Variants in XYLT1 observed in about 807,000 individuals in gnomAD.
XYLT1 encodes xylosyltransferase 1.
A neutral mutation model predicts 91.3 loss-of-function variants in XYLT1; 36 were observed. The ratio of observed to expected loss-of-function variants is 0.39; its 90% CI spans 0.30 to 0.52. XYLT1 has a LOEUF of 0.52. XYLT1 is among the 20% of genes least tolerant of loss of function. The pLI, the probability that XYLT1 is intolerant of heterozygous loss-of-function variation, is 0.68. For synonymous variants in XYLT1, 588 were observed against 532.0 expected, an observed-to-expected ratio of 1.11 and a Z score of -1.45; for missense variants, 1,242 against 1,284.5, an observed-to-expected ratio of 0.97 and a Z score of 0.51.
chr16:17,260,796 A>C (rs1402944840), intron 2 of XYLT1, among the ~76,000 whole-genome samples: 1 of 152,208 alleles, frequency 6.6e-6, no homozygotes, highest in Non-Finnish European at 1.5e-5. Context: ...AAAAGCTTAA[A>C]ATATTTCTAT....
chr16:17,401,180 T>C (rs762727619), intron 1 of XYLT1, among the ~76,000 whole-genome samples: 1 of 152,118 alleles, frequency 6.6e-6, no homozygotes, highest in Non-Finnish European at 1.5e-5. Flanking sequence ...ATAGGGACAC[T>C]GGGCCCTTGG....
Position 17,187,393 on chromosome 16 carries a change from C to CAAA in XYLT1, c.1289+10816_1289+10818dup, listed in dbSNP as rs71137979. Among the ~76,000 whole-genome samples, 548 of 55,268 alleles carry CAAA rather than the reference C, an allele frequency of 9.9e-3. 12 individuals are homozygous for CAAA. The highest frequency in any genetic ancestry group is 0.029 in the African/African-American group (391 of 13,306). The allele number at this position is 55,268 out of a possible 152,430, so 36.3% of individuals were successfully genotyped here. On this transcript the variant is annotated intron_variant, in intron 5 of 11. Coordinates refer to ENST00000261381, the MANE Select transcript of XYLT1 (RefSeq NM_022166.4). Reference sequence around the variant, plus strand: ...TGGGTGACAGAGCAAGACTCAGTTTCAAAAAAAAAAAAAAAAAAAAAAAAT... The same window carrying CAAA: ...TGGGTGACAGAGCAAGACTCAGTTTCAAAAAAAAAAAAAAAAAAAAAAAAAAAT...
intron 2 of XYLT1, among the ~76,000 whole-genome samples, chr16:17,274,479 G>A (rs2033942589): frequency 6.6e-6 from 1 of 152,204 alleles, no homozygotes; most frequent in Non-Finnish European, 1.5e-5. Context: ...AAGGATATAG[G>A]AAGGGGAACT....
intron 3 of XYLT1, among the ~76,000 whole-genome samples, chr16:17,215,679 T>C (rs908719211): frequency 6.6e-6 from 1 of 151,764 alleles, no homozygotes. Context: ...AATTGACAGG[T>C]TGAGTGAGGA....
intron 1 of XYLT1, among the ~76,000 whole-genome samples, chr16:17,442,547 C>CAACTCTCTG (rs1238241317): frequency 6.6e-6 from 1 of 152,106 alleles, no homozygotes; most frequent in African/African-American, 2.4e-5. Flanking sequence ...TGAGGAGCCT[C>CAACTCTCTG]AACTCTCTGC....
At chr16:17,295,338 T>G (rs1420925469) in intron 2 of XYLT1, among the ~76,000 whole-genome samples, 1 of 47,174 alleles carries the variant, frequency 2.1e-5, no homozygotes, top group Non-Finnish European at 3.3e-5. Context: ...CAGGTTTTTG[T>G]TTTGTTTTGT....
intron 2 of XYLT1, among the ~76,000 whole-genome samples, chr16:17,261,117 C>G (rs1424351163): frequency 6.6e-6 from 1 of 151,958 alleles, no homozygotes. Context: ...TGGTGCACAC[C>G]TGTAGTCTCA....
intron 1 of XYLT1, among the ~76,000 whole-genome samples, chr16:17,362,568 T>C (rs1172548758): frequency 6.6e-6 from 1 of 152,248 alleles, no homozygotes; most frequent in Non-Finnish European, 1.5e-5. Flanking sequence ...AAAGTCTTGC[T>C]TGTAAGACCA....
At chr16:17,230,511 TGTCA>T (rs1161256681) in intron 3 of XYLT1, among the ~76,000 whole-genome samples, 1 of 152,230 alleles carries the variant, frequency 6.6e-6, no homozygotes, top group Non-Finnish European at 1.5e-5. Flanking sequence ...GCCTGCTGTC[TGTCA>T]GTCAACTGGA....
intron 2 of XYLT1, among the ~76,000 whole-genome samples, chr16:17,287,957 C>T (rs1214045224): frequency 6.9e-6 from 1 of 145,560 alleles, no homozygotes; most frequent in East Asian, 2.0e-4. Flanking sequence ...TTTTTTGAGA[C>T]AGGGTCTGGC....
chr16:17,282,963 C>T (rs2034079473), intron 2 of XYLT1, among the ~76,000 whole-genome samples: 2 of 151,836 alleles, frequency 1.3e-5, no homozygotes, highest in African/African-American at 4.8e-5. Context: ...ATAAGTCACC[C>T]CCCCCAAGTC....
intron 1 of XYLT1, among the ~76,000 whole-genome samples, chr16:17,368,146 GA>G (rs1219462341): frequency 5.9e-5 from 9 of 152,136 alleles, no homozygotes; most frequent in Non-Finnish European, 1.3e-4. Flanking sequence ...ACGGGGGGCG[GA>G]AAAAACGATC....
At chr16:17,353,497 C>T (rs559871598) in intron 2 of XYLT1, among the ~76,000 whole-genome samples, 1 of 152,328 alleles carries the variant, frequency 6.6e-6, no homozygotes, top group Admixed American at 6.5e-5. Context: ...TATCAAAACA[C>T]TACTGATGCG....
intron 6 of XYLT1, among the ~76,000 whole-genome samples, chr16:17,147,945 GAT>G (rs1324753784): frequency 2.0e-5 from 3 of 152,176 alleles, no homozygotes; most frequent in Admixed American, 6.5e-5. Context: ...GGTGACCAAT[GAT>G]ACGCTCTTCC....
At chr16:17,399,200 C>A (rs2035932473) in intron 1 of XYLT1, among the ~76,000 whole-genome samples, 2 of 152,124 alleles carry the variant, frequency 1.3e-5, no homozygotes, top group South Asian at 4.1e-4. Flanking sequence ...CATAATTCAA[C>A]CCATAACAGA....
intron 1 of XYLT1, among the ~76,000 whole-genome samples, chr16:17,454,622 T>A (rs2141953480): frequency 6.6e-6 from 1 of 152,046 alleles, no homozygotes; most frequent in East Asian, 1.9e-4. Context: ...GTGCAATCTC[T>A]GCCTCCCGGG....
chr16:17,216,378 G>A (rs1338689134), intron 3 of XYLT1, among the ~76,000 whole-genome samples: 1 of 152,098 alleles, frequency 6.6e-6, no homozygotes, highest in Non-Finnish European at 1.5e-5. Context: ...AAAGTTAACA[G>A]TACATTAATT....
intron 3 of XYLT1, among the ~76,000 whole-genome samples, chr16:17,236,018 C>A (rs1049204617): frequency 1.3e-5 from 2 of 152,116 alleles, no homozygotes; most frequent in Non-Finnish European, 2.9e-5. Context: ...AGGAGTGCGC[C>A]ACCACACCCA....
chr16:17,431,419 T>C (rs889677108), intron 1 of XYLT1, among the ~76,000 whole-genome samples: 1 of 152,020 alleles, frequency 6.6e-6, no homozygotes, highest in African/African-American at 2.4e-5. Flanking sequence ...GGACCCCACT[T>C]TGAGAAGCAA....
Sources: allele counts gnomAD v4.1 joint callset (sites outside exome capture counted in the v4.1 genomes callset), GRCh38; gene constraint gnomAD v4.1.1; transcripts MANE v1.5; gene names NCBI Gene and HGNC (gene_info 2026-07-23, HGNC 2026-07-21).